Variants in GALNTL6 observed in about 807,000 individuals in gnomAD.
GALNTL6 encodes polypeptide N-acetylgalactosaminyltransferase like 6.
In GALNTL6, 46 loss-of-function variants were observed where a neutral mutation model predicts 73.7. The ratio of observed to expected loss-of-function variants is 0.62; its 90% CI spans 0.49 to 0.80. The LOEUF (loss-of-function observed/expected upper bound fraction) is 0.80, where lower values mean the gene tolerates loss of function less well. GALNTL6 is among the 30% of genes least tolerant of loss of function. The pLI, the probability that GALNTL6 is intolerant of heterozygous loss-of-function variation, is 0.00. For synonymous variants in GALNTL6, 259 were observed against 263.7 expected (o/e 0.98, Z 0.17); for missense variants, 604 against 755.0 (o/e 0.80, Z 2.34).
At chr4:172,361,984 A>T (rs563519773) in intron 5 of GALNTL6, among the ~76,000 whole-genome samples, 1 of 152,298 alleles carries the variant, frequency 6.6e-6, no homozygotes, top group Admixed American at 6.5e-5. Flanking sequence ...TTTGACCATT[A>T]TTATTCCGGC....
chr4:172,045,971 T>C (rs1742208781), intron 2 of GALNTL6, among the ~76,000 whole-genome samples: 1 of 152,078 alleles, frequency 6.6e-6, no homozygotes, highest in East Asian at 1.9e-4. Context: ...TGCCAGCTTA[T>C]CTCATTTAGT....
At chr4:172,938,058 C>G (rs1290625413) in intron 9 of GALNTL6, among the ~76,000 whole-genome samples, 1 of 152,158 alleles carries the variant, frequency 6.6e-6, no homozygotes, top group East Asian at 1.9e-4. Context: ...GTGTAACAAC[C>G]TTTGACAATT....
At chr4:172,298,301 A>T (rs2111115148) in intron 3 of GALNTL6, among the ~76,000 whole-genome samples, 1 of 152,316 alleles carries the variant, frequency 6.6e-6, no homozygotes, top group African/African-American at 2.4e-5. Context: ...ATCTACAAAC[A>T]GGGACAATTC....
intron 2 of GALNTL6, among the ~76,000 whole-genome samples, chr4:171,928,271 C>G (rs1738056214): frequency 6.6e-6 from 1 of 152,076 alleles, no homozygotes; most frequent in African/African-American, 2.4e-5. Context: ...AATATAGTCA[C>G]TATTATTACT....
At chr4:172,087,376 C>T (rs573465906) in intron 2 of GALNTL6, among the ~76,000 whole-genome samples, 195 of 147,030 alleles carry the variant, frequency 1.3e-3, no homozygotes, top group African/African-American at 4.6e-3. Context: ...ACCCGGGAGG[C>T]GGAGCTTGCA....
chr4:171,835,393 A>T (rs1281181160), intron 2 of GALNTL6, among the ~76,000 whole-genome samples: 1 of 152,008 alleles, frequency 6.6e-6, no homozygotes, highest in Non-Finnish European at 1.5e-5. Flanking sequence ...ATTGTTTAAC[A>T]TTGTTAGGTG....
intron 5 of GALNTL6, among the ~76,000 whole-genome samples, chr4:172,580,771 A>AT (rs1214912122): frequency 6.6e-6 from 1 of 151,966 alleles, no homozygotes; most frequent in Non-Finnish European, 1.5e-5. Context: ...TTTTGTTTTA[A>AT]TTTTTTTGTT....
At chr4:172,902,750 A>G (rs1746692702) in intron 8 of GALNTL6, among the ~76,000 whole-genome samples, 1 of 152,194 alleles carries the variant, frequency 6.6e-6, no homozygotes, top group Non-Finnish European at 1.5e-5. Flanking sequence ...CCTATGCGGT[A>G]AGCTTAAGAC....
chr4:171,860,205 A>G (rs930465751), intron 2 of GALNTL6, among the ~76,000 whole-genome samples: 2 of 152,362 alleles, frequency 1.3e-5, no homozygotes, highest in South Asian at 4.1e-4. Flanking sequence ...CTCAACAAAT[A>G]CAATATTAAA....
intron 3 of GALNTL6, among the ~76,000 whole-genome samples, chr4:172,304,736 T>A (rs1740066220): frequency 1.3e-5 from 2 of 152,158 alleles, no homozygotes; most frequent in African/African-American, 4.8e-5. Flanking sequence ...AAGAGATCTC[T>A]ATTTAGATAG....
At chr4:173,035,851 C>T (rs1753676011) in intron 12 of GALNTL6, among the ~76,000 whole-genome samples, 2 of 152,112 alleles carry the variant, frequency 1.3e-5, no homozygotes, top group Non-Finnish European at 2.9e-5. Context: ...AATTTGGTGT[C>T]GAATAGCTGG....
chr4:171,924,197 C>G (rs1462941944), intron 2 of GALNTL6, among the ~76,000 whole-genome samples: 1 of 150,306 alleles, frequency 6.7e-6, no homozygotes, highest in Non-Finnish European at 1.5e-5. Context: ...CACACACACA[C>G]ACACACACAC....
At chr4:172,321,667 A>G (rs1740759697) in intron 4 of GALNTL6, among the ~76,000 whole-genome samples, 1 of 152,224 alleles carries the variant, frequency 6.6e-6, no homozygotes, top group South Asian at 2.1e-4. Context: ...TGAAAGCTGC[A>G]ATAGCTAAAA....
chr4:172,981,853 A>G (rs1157291994), intron 10 of GALNTL6, among the ~76,000 whole-genome samples: 1 of 124,868 alleles, frequency 8.0e-6, no homozygotes, highest in Non-Finnish European at 1.6e-5. Flanking sequence ...CCCAGGCTGG[A>G]GTGCAGTGTG....
chr4:172,072,822 C>CT (rs1731583762), intron 2 of GALNTL6, among the ~76,000 whole-genome samples: 1 of 152,114 alleles, frequency 6.6e-6, no homozygotes, highest in Admixed American at 6.5e-5. Context: ...AAAGACCTGC[C>CT]TTTCTTTGTT....
intron 5 of GALNTL6, among the ~76,000 whole-genome samples, chr4:172,792,498 C>G (rs1359793053): frequency 2.6e-5 from 4 of 151,900 alleles, no homozygotes; most frequent in African/African-American, 9.7e-5. Context: ...TCAATATATA[C>G]TTTCATGTTA....
chr4:172,681,424 G>T (rs2078082987), intron 5 of GALNTL6, among the ~76,000 whole-genome samples: 1 of 152,016 alleles, frequency 6.6e-6, no homozygotes, highest in Admixed American at 6.6e-5. Context: ...ATGACGTTTA[G>T]TGTGTATAAT....
intron 8 of GALNTL6, among the ~76,000 whole-genome samples, chr4:172,890,434 T>C (rs1473804474): frequency 6.6e-6 from 1 of 152,030 alleles, no homozygotes; most frequent in African/African-American, 2.4e-5. Flanking sequence ...TATGTTCTGT[T>C]TCTGTTTCCA....
intron 10 of GALNTL6, among the ~76,000 whole-genome samples, chr4:173,005,417 G>A (rs1330735897): frequency 1.3e-5 from 2 of 152,098 alleles, no homozygotes; most frequent in African/African-American, 4.8e-5. Context: ...AATATCCCGT[G>A]TCCTAAGTTT....
Sources: gnomAD v4.1 joint callset for allele counts (sites outside exome capture counted in the v4.1 genomes callset) on GRCh38, gnomAD v4.1.1 for gene constraint, MANE v1.5 for transcripts, NCBI Gene and HGNC (gene_info 2026-07-23, HGNC 2026-07-21) for gene names.